Variants in ENAH observed in about 807,000 individuals in gnomAD.
ENAH encodes the protein ENAH actin regulator, also known as protein enabled homolog.
In ENAH, 23 loss-of-function variants were observed where a neutral mutation model predicts 78.7. That is an observed-to-expected ratio of 0.29 (90% confidence interval 0.21 to 0.41). ENAH has a LOEUF of 0.41. ENAH is among the 10% of genes least tolerant of loss of function. The pLI, the probability that ENAH is intolerant of heterozygous loss-of-function variation, is 1.00. For synonymous variants in ENAH, 226 were observed against 241.0 expected, an observed-to-expected ratio of 0.94 and a Z score of 0.58; for missense variants, 544 against 691.0, an observed-to-expected ratio of 0.79 and a Z score of 2.39.
intron 1 of ENAH, among the ~76,000 whole-genome samples, chr1:225,615,534 C>A (rs1265168687): frequency 6.6e-6 from 1 of 151,544 alleles, no homozygotes; most frequent in Non-Finnish European, 1.5e-5. Flanking sequence ...CCCCTCTTCC[C>A]GGCCGCCCAG....
chr1:225,566,271 G>T (rs1207640531), intron 2 of ENAH, among the ~76,000 whole-genome samples: 1 of 151,778 alleles, frequency 6.6e-6, no homozygotes, highest in Admixed American at 6.6e-5. Context: ...TTTTTTGTTT[G>T]TTTGTTTGTT....
At chr1:225,545,624 AAAT>A (rs1224653553) in intron 3 of ENAH, among the ~76,000 whole-genome samples, 21 of 152,338 alleles carry the variant, frequency 1.4e-4, no homozygotes, top group African/African-American at 5.1e-4. Context: ...ACTAAATATT[AAAT>A]AATAATCCAG....
intron 1 of ENAH, among the ~76,000 whole-genome samples, chr1:225,607,999 G>A (rs961402884): frequency 6.6e-6 from 1 of 151,468 alleles, no homozygotes; most frequent in Non-Finnish European, 1.5e-5. Flanking sequence ...AAACATTTAA[G>A]AAAACCTTTA....
At chr1:225,632,353 T>G (rs774181014) in intron 1 of ENAH, among the ~76,000 whole-genome samples, 2 of 151,904 alleles carry the variant, frequency 1.3e-5, no homozygotes, top group East Asian at 1.9e-4. Flanking sequence ...CAAAAATTAG[T>G]TGGGCATAGT....
chr1:225,579,588 A>G (rs2096804723), intron 1 of ENAH, among the ~76,000 whole-genome samples: 1 of 152,230 alleles, frequency 6.6e-6, no homozygotes, highest in Non-Finnish European at 1.5e-5. Flanking sequence ...ATAGATACAG[A>G]TAGAGATTCA....
intron 1 of ENAH, among the ~76,000 whole-genome samples, chr1:225,628,616 G>A (rs2148329578): frequency 6.6e-6 from 1 of 152,160 alleles, no homozygotes; most frequent in African/African-American, 2.4e-5. Context: ...TTTTTTAAAA[G>A]ATGGTGCAAC....
chr1:225,570,253 G>A (rs923377609), intron 1 of ENAH, among the ~76,000 whole-genome samples: 3 of 151,948 alleles, frequency 2.0e-5, no homozygotes, highest in Non-Finnish European at 2.9e-5. Flanking sequence ...TGCCTGCTAG[G>A]GTTTAGCGAC....
chr1:225,625,977 G>T (rs865794063), intron 1 of ENAH, among the ~76,000 whole-genome samples: 6 of 152,122 alleles, frequency 3.9e-5, no homozygotes, highest in Admixed American at 3.9e-4. Context: ...AAGAAGAAGG[G>T]ACAAAGATGC....
chr1:225,519,917 G>A (rs1001844371), intron 4 of ENAH, among the ~76,000 whole-genome samples: 2 of 152,132 alleles, frequency 1.3e-5, no homozygotes, highest in African/African-American at 4.8e-5. Flanking sequence ...ATTTGTAATT[G>A]TAATATCCTT....
chr1:225,565,808 A>G (rs1347651040), intron 2 of ENAH, among the ~76,000 whole-genome samples: 1 of 152,150 alleles, frequency 6.6e-6, no homozygotes, highest in Admixed American at 6.5e-5. Flanking sequence ...AAGGCTGTGC[A>G]ACACAACAAG....
At chr1:225,609,778 C>T (rs1039814192) in intron 1 of ENAH, among the ~76,000 whole-genome samples, 8 of 144,102 alleles carry the variant, frequency 5.6e-5, no homozygotes, top group African/African-American at 2.1e-4. Flanking sequence ...GGTTCTCATG[C>T]CCAGCCTCCT....
chr1:225,569,647 A>G (rs1353859087), intron 1 of ENAH, among the ~76,000 whole-genome samples: 1 of 152,200 alleles, frequency 6.6e-6, no homozygotes, highest in Non-Finnish European at 1.5e-5. Context: ...GTTTTCCTCT[A>G]CTTTTTTTCT....
At chr1:225,552,749 T>C (rs2096647390) in intron 3 of ENAH, among the ~76,000 whole-genome samples, 1 of 152,170 alleles carries the variant, frequency 6.6e-6, no homozygotes, top group Non-Finnish European at 1.5e-5. Flanking sequence ...GAGAATAAAG[T>C]ATCAAAATCA....
chr1:225,604,643 A>T (rs1477813100), intron 1 of ENAH, among the ~76,000 whole-genome samples: 1 of 147,160 alleles, frequency 6.8e-6, no homozygotes, highest in Admixed American at 6.7e-5. Context: ...AAAAAAAAAA[A>T]TTAGCCAGGC....
chr1:225,492,024 C>T lies in ENAH; in HGVS notation c.*5751G>A, dbSNP rs1441997185. On this transcript the variant is annotated 3_prime_UTR_variant, in exon 14 of 14. Coordinates refer to ENST00000366843, the MANE Select transcript of ENAH (RefSeq NM_018212.6). ...TAAATGTAGTCTAACAAACTGGGCT[C>T]TCTAATGAAATATGTAAGCTTTTCT... is the stretch of plus-strand genomic sequence containing the variant. 6.6e-6 allele frequency: 1 copy of T among 151,666 alleles called. No homozygotes were observed. The highest frequency in any genetic ancestry group is 1.5e-5 in the Non-Finnish European group (1 of 67,992). 9.4% of individuals were successfully genotyped at this position (151,666 alleles called of 1,614,324 possible).
At chr1:225,575,412 A>T (rs757612896) in intron 1 of ENAH, among the ~76,000 whole-genome samples, 7 of 152,174 alleles carry the variant, frequency 4.6e-5, no homozygotes, top group Middle Eastern at 3.2e-3. Flanking sequence ...TTTCAGGATA[A>T]ACTCTGGCTT....
intron 4 of ENAH, chr1:225,524,768 T>C (rs2096492750): frequency 1.9e-6 from 1 of 518,490 alleles, no homozygotes; most frequent in Non-Finnish European, 2.5e-6. Flanking sequence ...TTTATAGATA[T>C]TAACTATATT....
intron 1 of ENAH, among the ~76,000 whole-genome samples, chr1:225,607,942 T>C (rs1436595154): frequency 6.6e-6 from 1 of 152,052 alleles, no homozygotes; most frequent in Non-Finnish European, 1.5e-5. Context: ...ATAAAAACTT[T>C]TTTAAAAGCC....
At chr1:225,566,263 T>TTTTGTTTG (rs56724885) in intron 2 of ENAH, among the ~76,000 whole-genome samples, 4,871 of 151,998 alleles carry the variant, frequency 0.032, 108 homozygotes, top group Non-Finnish European at 0.046. Flanking sequence ...TTGTGTGTTT[T>TTTTGTTTG]TTTGTTTGTT....
Sources: allele counts gnomAD v4.1 joint callset (sites outside exome capture counted in the v4.1 genomes callset), GRCh38; gene constraint gnomAD v4.1.1; transcripts MANE v1.5; gene names NCBI Gene and HGNC (gene_info 2026-07-23, HGNC 2026-07-21).